GABPB2: variants seen among roughly 807,000 people sequenced by gnomAD.
GABPB2 encodes GA binding protein transcription factor subunit beta 2.
A neutral mutation model predicts 39.1 loss-of-function variants in GABPB2; 23 were observed. The ratio of observed to expected loss-of-function variants is 0.59; its 90% CI spans 0.42 to 0.83. The LOEUF is 0.83. Among genes scored for constraint, GABPB2 ranks in the 40% least tolerant of loss-of-function variants. The pLI, the probability that GABPB2 is intolerant of heterozygous loss-of-function variation, is 0.00. For missense variants in GABPB2, 467 were observed against 541.1 expected (o/e 0.86, Z 1.36); for synonymous variants, 184 against 199.3 (o/e 0.92, Z 0.65).
intron 6 of GABPB2, among the ~76,000 whole-genome samples, chr1:151,106,832 T>G (rs1260882713): frequency 6.6e-6 from 1 of 152,242 alleles, no homozygotes; most frequent in Non-Finnish European, 1.5e-5. Context: ...GAACACATTT[T>G]ACAAAATACT....
At chr1:151,080,407 A>C (rs1437821407) in intron 1 of GABPB2, among the ~76,000 whole-genome samples, 1 of 149,944 alleles carries the variant, frequency 6.7e-6, no homozygotes, top group Non-Finnish European at 1.5e-5. Flanking sequence ...GGTACTCGGG[A>C]GGCTGAGGCA....
In GABPB2 at chr1:151,088,132, C is replaced by T. The variant is rs971579057; in HGVS notation, c.1-58C>T. ...AGAAGTCTTCTAAAAAATGTATTGG[C>T]GGCTTTCCTTATGTTCGAGTTATAG... On this transcript the variant is annotated intron_variant, in intron 1 of 8. Transcript: ENST00000368918. 158 of 1,199,344 alleles carry T rather than the reference C, an allele frequency of 1.3e-4. 3 individuals carry two copies. The highest frequency in any genetic ancestry group is 8.1e-4 in the South Asian group (66 of 80,998). The allele number at this position is 1,199,344 out of a possible 1,614,324, so 74.3% of individuals were successfully genotyped here.
chr1:151,083,655 T>TATATA (rs368501073), intron 1 of GABPB2, among the ~76,000 whole-genome samples: 109 of 145,626 alleles, frequency 7.5e-4, no homozygotes, highest in African/African-American at 2.7e-3. Flanking sequence ...AAAAAAAAAA[T>TATATA]TATATATATA....
chr1:151,117,670 G>A (rs1680980233), intron 8 of GABPB2, among the ~76,000 whole-genome samples, 154 bp downstream of exon 8: 1 of 152,030 alleles, frequency 6.6e-6, no homozygotes, highest in Non-Finnish European at 1.5e-5. Context: ...TGCAACCTCC[G>A]CCTCCCGGGC....
At chr1:151,100,559 G>T (rs1486503127) in intron 5 of GABPB2, among the ~76,000 whole-genome samples, 1 of 143,546 alleles carries the variant, frequency 7.0e-6, no homozygotes, top group Non-Finnish European at 1.5e-5. Context: ...GGGATTACAA[G>T]TGTGAGCCAC....
In GABPB2 at chr1:151,121,125, G is replaced by A. The variant is rs1196467404; in HGVS notation, c.*2869G>A. On this transcript the variant is annotated 3_prime_UTR_variant, in exon 9 of 9. Coordinates refer to ENST00000368918, the MANE Select transcript of GABPB2 (RefSeq NM_144618.3). ...CATTTAGGACATATTGTGCTTTTCT[G>A]TGGAGCTTATATCTTATCCTCTTAT... 2 of 152,196 alleles carry A rather than the reference G, an allele frequency of 1.3e-5. No homozygotes were observed. The highest frequency in any genetic ancestry group is 2.9e-5 in the Non-Finnish European group (2 of 68,042). The allele number at this position is 152,196 out of a possible 1,614,324, so 9.4% of individuals were successfully genotyped here. A position where few individuals can be genotyped will look rare whatever the true frequency, so the allele number is the denominator to read the frequency against.
chr1:151,078,410 G>A (rs1014580623), intron 1 of GABPB2, among the ~76,000 whole-genome samples: 1 of 151,896 alleles, frequency 6.6e-6, no homozygotes, highest in African/African-American at 2.4e-5. Flanking sequence ...TGGCTAACAC[G>A]GTGAAACCGT....
intron 4 of GABPB2, among the ~76,000 whole-genome samples, chr1:151,097,090 T>G (rs1192370001): frequency 6.6e-6 from 1 of 151,950 alleles, no homozygotes; most frequent in Admixed American, 6.6e-5. Flanking sequence ...ATTTTTGCAT[T>G]TAGTAGAGAC....
At chr1:151,097,249 A>T (rs959640329) in intron 4 of GABPB2, among the ~76,000 whole-genome samples, 2 of 152,074 alleles carry the variant, frequency 1.3e-5, no homozygotes, top group Non-Finnish European at 2.9e-5. Flanking sequence ...AACAAGATTC[A>T]TAGAGGTTGA....
chr1:151,092,554 T>A (rs1394474227), intron 3 of GABPB2, among the ~76,000 whole-genome samples: 2 of 151,522 alleles, frequency 1.3e-5, no homozygotes, highest in Non-Finnish European at 2.9e-5. Flanking sequence ...GCTCCCAGCC[T>A]AGTTTTCCAA....
chr1:151,105,291 A>G (rs1416002120), intron 6 of GABPB2, among the ~76,000 whole-genome samples: 1 of 151,906 alleles, frequency 6.6e-6, no homozygotes, highest in Non-Finnish European at 1.5e-5. Flanking sequence ...TTGACTAATC[A>G]AACTGAAAAT....
intron 5 of GABPB2, among the ~76,000 whole-genome samples, chr1:151,098,492 C>A (rs1679275920): frequency 6.8e-6 from 1 of 147,804 alleles, no homozygotes; most frequent in African/African-American, 2.5e-5. Flanking sequence ...CAGAGCAAGA[C>A]CCTGTCTCTA....
chr1:151,090,414 A>T lies in GABPB2; in HGVS notation c.117A>T (p.Thr39=), dbSNP rs1678570313. ...GAPFTTDWLG[T]SPLHLAAQYG... ...GCATTATTTTTCCACAGCTTGGAAC[A>T]TCACCCCTCCACCTTGCAGCTCAAT... is the stretch of plus-strand genomic sequence containing the variant. Residue 39 remains threonine, a synonymous_variant, in exon 3 of 9, where the codon ACA becomes ACT. Transcript: ENST00000368918. 5 of 1,613,996 alleles carry T rather than the reference A, an allele frequency of 3.1e-6. No homozygotes were observed. The highest frequency in any genetic ancestry group is 4.2e-6 in the Non-Finnish European group (5 of 1,179,906).
intron 1 of GABPB2, among the ~76,000 whole-genome samples, chr1:151,081,824 A>T (rs114769664): frequency 7.8e-4 from 118 of 151,824 alleles, no homozygotes; most frequent in African/African-American, 2.8e-3. Flanking sequence ...TTTTGAAAAG[A>T]CAGAGTTTCA....
Position 151,093,222 on chromosome 1 carries a change from C to T in GABPB2, c.307C>T (p.Leu103=), listed in dbSNP as rs781675381. ...NGADVNAKDM[L]KMTALHWATE... ...TGCAGATGTGAATGCCAAGGACATG[C>T]TGAAGATGACAGCTTTGCATTGGGC... The change falls in exon 4 of 9, where the codon CTG becomes TTG. Residue 103 remains leucine (L), a synonymous_variant. Coordinates refer to ENST00000368918, the MANE Select transcript of GABPB2 (RefSeq NM_144618.3). 6.2e-7 allele frequency: 1 copy of T among 1,602,994 alleles called. No homozygotes were observed. Among genetic ancestry groups the T allele is most frequent in the East Asian group, 2.3e-5 (1 of 44,308 alleles).
chr1:151,078,754 C>T (rs1362501260), intron 1 of GABPB2, among the ~76,000 whole-genome samples: 1 of 152,044 alleles, frequency 6.6e-6, no homozygotes, highest in African/African-American at 2.4e-5. Context: ...ATTCTCCTGC[C>T]TCAGCCTCCT....
Position 151,092,918 on chromosome 1 carries a change from C to T in GABPB2, c.277-274C>T, listed in dbSNP as rs1450121047. 2.0e-5 allele frequency among the ~76,000 whole-genome samples: 3 copies of T among 152,264 alleles called. No homozygotes were observed. The South Asian group carries it at 6.2e-4, about 32-fold the overall frequency. On this transcript the variant is annotated intron_variant, in intron 3 of 8. Transcript: ENST00000368918. The stretch of plus-strand genomic sequence containing the variant: ...CCTATTTATTCAGGCACTTGGCTTT[C>T]TGTTAATAAATGCAACAAAAATCTG...
chr1:151,121,007 T>C lies in GABPB2; in HGVS notation c.*2751T>C. 6.6e-6 allele frequency: 1 copy of C among 152,208 alleles called. No individual in the cohort carries two copies. Among genetic ancestry groups the C allele is most frequent in the Non-Finnish European group, 1.5e-5 (1 of 68,026 alleles). The allele number at this position is 152,208 out of a possible 1,614,324, so 9.4% of individuals were successfully genotyped here. On this transcript the variant is annotated 3_prime_UTR_variant, in exon 9 of 9. Transcript: ENST00000368918. ...CTGGCCTCAGGTGATCCACCCGCCT[T>C]GGCCTCCCAAAATGCTGAGATTACA...
At chr1:151,109,509 C>T (rs1406805923) in intron 7 of GABPB2, among the ~76,000 whole-genome samples, 1 of 151,078 alleles carries the variant, frequency 6.6e-6, no homozygotes, top group African/African-American at 2.4e-5. Flanking sequence ...CAGGTGTGTG[C>T]CACCACGCCC....
Sources: gnomAD v4.1 joint callset for allele counts (sites outside exome capture counted in the v4.1 genomes callset) on GRCh38, gnomAD v4.1.1 for gene constraint, MANE v1.5 for transcripts, NCBI Gene and HGNC (gene_info 2026-07-23, HGNC 2026-07-21) for gene names.